The following SV2C variants were observed in gnomAD, a reference collection of about 807,000 sequenced individuals.
The protein encoded by SV2C is synaptic vesicle glycoprotein 2C, also known as solute carrier family 22 member B3.
A neutral mutation model predicts 79.7 loss-of-function variants in SV2C; 49 were observed. That is an observed-to-expected ratio of 0.61 (90% CI 0.49 to 0.78). SV2C has a LOEUF of 0.78. SV2C is among the 30% of genes least tolerant of loss of function. The probability of loss-of-function intolerance (pLI) is 0.00; values close to 1 mark genes in which losing one functional copy is unlikely to be tolerated. For synonymous variants in SV2C, 334 were observed against 333.2 expected, an observed-to-expected ratio of 1.00 and a Z score of -0.03; for missense variants, 833 against 912.9, an observed-to-expected ratio of 0.91 and a Z score of 1.13.
intron 12 of SV2C, among the ~76,000 whole-genome samples, chr5:76,302,608 C>A (rs1580051197): frequency 9.9e-6 from 1 of 101,120 alleles, no homozygotes. Context: ...CCAGTCTGGA[C>A]AACAAGAGTG....
chr5:76,163,354 A>T (rs562814204), intron 2 of SV2C, among the ~76,000 whole-genome samples: 1 of 152,340 alleles, frequency 6.6e-6, no homozygotes, highest in South Asian at 2.1e-4. Flanking sequence ...ATGTTTGTGG[A>T]ATAATAATTG....
intron 4 of SV2C, among the ~76,000 whole-genome samples, chr5:76,237,678 C>A (rs570872607): frequency 6.6e-6 from 1 of 152,236 alleles, no homozygotes; most frequent in Admixed American, 6.5e-5. Context: ...ATACCACATA[C>A]TATATTGATA....
At chr5:76,068,405 C>G in the SV2C span, among the ~76,000 whole-genome samples, 1 of 151,986 alleles carries the variant, frequency 6.6e-6, no homozygotes, top group African/African-American at 2.4e-5. Flanking sequence ...TGTGTTTACT[C>G]TTTTTTAAAA....
the SV2C span, among the ~76,000 whole-genome samples, chr5:75,992,504 C>G: frequency 6.6e-6 from 1 of 151,978 alleles, no homozygotes; most frequent in African/African-American, 2.4e-5. Context: ...AATTTTACTG[C>G]TGTGTCTTCA....
chr5:75,971,595 A>T, the SV2C span, among the ~76,000 whole-genome samples: 1 of 152,120 alleles, frequency 6.6e-6, no homozygotes, highest in East Asian at 1.9e-4. Flanking sequence ...AGAGAATAAC[A>T]TACCTAGGAA....
chr5:75,919,868 A>T, the SV2C span, among the ~76,000 whole-genome samples: 1 of 152,188 alleles, frequency 6.6e-6, no homozygotes, highest in Non-Finnish European at 1.5e-5. Flanking sequence ...TCTCTGCCAA[A>T]TTCTGTATTT....
At chr5:75,975,390 A>G in the SV2C span, among the ~76,000 whole-genome samples, 15 of 152,218 alleles carry the variant, frequency 9.9e-5, no homozygotes, top group Admixed American at 7.9e-4. Flanking sequence ...TTGGATATAA[A>G]TGACCACATC....
At chr5:76,034,119 A>C in the SV2C span, among the ~76,000 whole-genome samples, 8 of 151,814 alleles carry the variant, frequency 5.3e-5, no homozygotes, top group Non-Finnish European at 1.2e-4. Context: ...ACTTTGCTGA[A>C]GTTGCTTATC....
At chr5:75,908,868 T>A in the SV2C span, among the ~76,000 whole-genome samples, 1 of 152,218 alleles carries the variant, frequency 6.6e-6, no homozygotes, top group Non-Finnish European at 1.5e-5. Flanking sequence ...AGCATAATCG[T>A]GTATAATAAA....
the SV2C span, among the ~76,000 whole-genome samples, chr5:75,988,805 A>G: frequency 6.6e-6 from 1 of 151,956 alleles, no homozygotes; most frequent in Admixed American, 6.6e-5. Flanking sequence ...GAAAAGCCCT[A>G]TCTATCCTCC....
chr5:76,213,353 A>C (rs1744824173), intron 4 of SV2C, among the ~76,000 whole-genome samples: 1 of 152,226 alleles, frequency 6.6e-6, no homozygotes, highest in Non-Finnish European at 1.5e-5. Flanking sequence ...TGCTAATGAC[A>C]TTCTATATCT....
the SV2C span, among the ~76,000 whole-genome samples, chr5:75,940,248 G>A: frequency 6.6e-6 from 1 of 152,008 alleles, no homozygotes; most frequent in Non-Finnish European, 1.5e-5. Flanking sequence ...CCTGTAGTCC[G>A]GGCTACTTGG....
At chr5:76,130,580 T>C (rs1342336456) in intron 1 of SV2C, among the ~76,000 whole-genome samples, 1 of 152,196 alleles carries the variant, frequency 6.6e-6, no homozygotes, top group Admixed American at 6.5e-5. Flanking sequence ...ACCTCTGTTA[T>C]CATCTGTGTA....
At chr5:76,353,714 T>C (rs1749686407) in exon 13 of SV2C, 1 of 152,218 alleles carries the variant, frequency 6.6e-6, no homozygotes, top group African/African-American at 2.4e-5. Flanking sequence ...TGAAATGCTC[T>C]CTACAGGTGA....
chr5:75,894,110 GC>G, the SV2C span, among the ~76,000 whole-genome samples: 1 of 152,168 alleles, frequency 6.6e-6, no homozygotes, highest in South Asian at 2.1e-4. Flanking sequence ...TACGTTGGCA[GC>G]ATTATACAGA....
At chr5:76,119,594 A>G (rs1748411854) in intron 1 of SV2C, among the ~76,000 whole-genome samples, 1 of 152,178 alleles carries the variant, frequency 6.6e-6, no homozygotes, top group Non-Finnish European at 1.5e-5. Flanking sequence ...TGAGCCTGCC[A>G]GTATTTCTGT....
At chr5:76,248,134 G>T (rs985403069) in intron 4 of SV2C, among the ~76,000 whole-genome samples, 1 of 152,178 alleles carries the variant, frequency 6.6e-6, no homozygotes, top group Admixed American at 6.5e-5. Flanking sequence ...GTGTACTTTG[G>T]CCTGCCACGA....
intron 12 of SV2C, among the ~76,000 whole-genome samples, chr5:76,324,237 G>A (rs377241957): frequency 6.6e-6 from 1 of 152,054 alleles, no homozygotes; most frequent in East Asian, 1.9e-4. Context: ...TGGGATTACA[G>A]GTGTAAGACA....
intron 4 of SV2C, among the ~76,000 whole-genome samples, chr5:76,243,701 T>C (rs926104080): frequency 6.6e-6 from 1 of 152,166 alleles, no homozygotes; most frequent in African/African-American, 2.4e-5. Flanking sequence ...ACAACCAGTG[T>C]GGTCCTTCAA....
Sources: gnomAD v4.1 joint callset for allele counts (sites outside exome capture counted in the v4.1 genomes callset) on GRCh38, gnomAD v4.1.1 for gene constraint, MANE v1.5 for transcripts, NCBI Gene and HGNC (gene_info 2026-07-23, HGNC 2026-07-21) for gene names.